RUFY3: variants seen among roughly 807,000 people sequenced by gnomAD.
RUFY3 encodes protein RUFY3.
A neutral mutation model predicts 84.0 loss-of-function variants in RUFY3; 34 were observed. The ratio of observed to expected loss-of-function variants is 0.40; its 90% CI spans 0.31 to 0.54. The LOEUF (loss-of-function observed/expected upper bound fraction) is 0.54, where lower values mean the gene tolerates loss of function less well. Ranked by LOEUF, RUFY3 falls within the 20% of genes least tolerant of loss-of-function variation. The pLI is 0.39. For missense variants in RUFY3, 507 were observed against 736.8 expected (o/e 0.69, Z 3.61); for synonymous variants, 242 against 252.9 (o/e 0.96, Z 0.41).
At chr4:70,754,064 T>TC (rs1723578791) in intron 1 of RUFY3, among the ~76,000 whole-genome samples, 1 of 151,596 alleles carries the variant, frequency 6.6e-6, no homozygotes, top group Admixed American at 6.6e-5. Context: ...TTTTTTTTTT[T>TC]CGAGATGGAG....
At chr4:70,787,187 A>AAAAAAAAAAAAAAAAT (rs1553920475) in intron 10 of RUFY3, among the ~76,000 whole-genome samples, 1 of 81,476 alleles carries the variant, frequency 1.2e-5, no homozygotes, top group African/African-American at 5.2e-5. Context: ...AAAAAAAAAA[A>AAAAAAAAAAAAAAAAT]ATATATATAT....
intron 12 of RUFY3, chr4:70,792,899 C>T: frequency 1.0e-6 from 1 of 985,352 alleles, no homozygotes. Flanking sequence ...CTACTGTATT[C>T]TTCTCTTCAT....
chr4:70,759,042 A>G (rs1578111846), intron 1 of RUFY3, among the ~76,000 whole-genome samples: 1 of 152,152 alleles, frequency 6.6e-6, no homozygotes, highest in Admixed American at 6.5e-5. Context: ...TCTCAAAAAA[A>G]AAAAAGAAAA....
chr4:70,786,621 C>T (rs1396369387), intron 10 of RUFY3, among the ~76,000 whole-genome samples: 1 of 151,944 alleles, frequency 6.6e-6, no homozygotes, highest in African/African-American at 2.4e-5. Flanking sequence ...TTGGTCATTA[C>T]ACAATTTTTA....
intron 12 of RUFY3, chr4:70,793,498 T>C (rs1385698122): frequency 2.5e-6 from 3 of 1,221,010 alleles, no homozygotes; most frequent in East Asian, 9.6e-5. Flanking sequence ...AGTGATGTTT[T>C]ATTGTTTATC....
chr4:70,801,978 T>TGAG lies in RUFY3; in HGVS notation c.1623-978_1623-977insGAG, dbSNP rs1445469056. ...CCTGAGAATATGGAACAGTGCTTCC[T>TGAG]TATATCTGAATTGTGCTCTGCAACT... On this transcript the variant is annotated intron_variant, in intron 15 of 17. Transcript: ENST00000381006. Among the ~76,000 whole-genome samples the TGAG allele has an allele frequency of 3.9e-5, 6 of 152,246 alleles. No homozygotes were observed. In the East Asian group the frequency reaches 1.2e-3, roughly 29 times the overall value.
intron 14 of RUFY3, 28 bp downstream of exon 14, chr4:70,794,922 T>C (rs761471306): frequency 6.9e-7 from 1 of 1,451,542 alleles, no homozygotes; most frequent in Non-Finnish European, 9.6e-7. Flanking sequence ...CTTGTTCTTT[T>C]ACTTAATTTC....
chr4:70,754,053 T>G (rs1723576035), intron 1 of RUFY3, among the ~76,000 whole-genome samples: 1 of 152,040 alleles, frequency 6.6e-6, no homozygotes, highest in African/African-American at 2.4e-5. Context: ...TGGTTAATTT[T>G]TTTTTTTTTT....
At chr4:70,769,666 C>A (rs1726626284) in intron 5 of RUFY3, among the ~76,000 whole-genome samples, 1 of 152,230 alleles carries the variant, frequency 6.6e-6, no homozygotes, top group Admixed American at 6.5e-5. Flanking sequence ...TGTTTGACAG[C>A]ATTTTACCCA....
chr4:70,705,638 A>G (rs999076503), intron 1 of RUFY3, among the ~76,000 whole-genome samples: 7 of 151,598 alleles, frequency 4.6e-5, no homozygotes, highest in Admixed American at 2.6e-4. Context: ...GCCCCCCTCC[A>G]CCCGGGGCGC....
chr4:70,797,795 A>T (rs1038083225), intron 14 of RUFY3, among the ~76,000 whole-genome samples: 3 of 152,084 alleles, frequency 2.0e-5, no homozygotes, highest in Admixed American at 6.6e-5. Context: ...GTGAGCCAAG[A>T]CTGAGCCACT....
intron 1 of RUFY3, among the ~76,000 whole-genome samples, chr4:70,728,591 T>C (rs1187749800): frequency 6.6e-6 from 1 of 152,246 alleles, no homozygotes; most frequent in Non-Finnish European, 1.5e-5. Context: ...CTGCCTTTAC[T>C]CTGTAAAGTG....
At chr4:70,801,322 C>T (rs1732206536) in intron 15 of RUFY3, among the ~76,000 whole-genome samples, 1 of 152,068 alleles carries the variant, frequency 6.6e-6, no homozygotes, top group African/African-American at 2.4e-5. Flanking sequence ...GACTAGACAC[C>T]ACCAAGAGTG....
chr4:70,756,274 T>C (rs1309494811), intron 1 of RUFY3, among the ~76,000 whole-genome samples: 1 of 152,208 alleles, frequency 6.6e-6, no homozygotes, highest in African/African-American at 2.4e-5. Flanking sequence ...TCCTCTGCCA[T>C]TGCAGTAGAC....
chr4:70,736,691 C>A (rs553698462), intron 1 of RUFY3, among the ~76,000 whole-genome samples: 1 of 152,254 alleles, frequency 6.6e-6, no homozygotes, highest in African/African-American at 2.4e-5. Context: ...CTTGCCTCAG[C>A]CTCCCAAGTA....
chr4:70,795,325 G>A (rs1282287195), intron 14 of RUFY3, among the ~76,000 whole-genome samples: 1 of 152,014 alleles, frequency 6.6e-6, no homozygotes, highest in Non-Finnish European at 1.5e-5. Context: ...CAAATCATGA[G>A]GATTTCATTT....
chr4:70,724,995 G>T (rs895262510), intron 1 of RUFY3, among the ~76,000 whole-genome samples: 1 of 152,096 alleles, frequency 6.6e-6, no homozygotes, highest in Admixed American at 6.5e-5. Context: ...ACTGCTTTCC[G>T]GGCTGATTCA....
At chr4:70,729,820 A>T (rs1718918472) in intron 1 of RUFY3, among the ~76,000 whole-genome samples, 1 of 152,182 alleles carries the variant, frequency 6.6e-6, no homozygotes, top group African/African-American at 2.4e-5. Flanking sequence ...CATTAGTAGT[A>T]GCTTAAACTC....
At chr4:70,787,507 T>G (rs932760016) in intron 10 of RUFY3, among the ~76,000 whole-genome samples, 1 of 151,854 alleles carries the variant, frequency 6.6e-6, no homozygotes, top group African/African-American at 2.4e-5. Flanking sequence ...GTGATCCGCC[T>G]GCCTCAGACT....
Sources: gnomAD v4.1 joint callset for allele counts (sites outside exome capture counted in the v4.1 genomes callset) on GRCh38, gnomAD v4.1.1 for gene constraint, MANE v1.5 for transcripts, NCBI Gene and HGNC (gene_info 2026-07-23, HGNC 2026-07-21) for gene names.